FRMPD2: variants seen among roughly 807,000 people sequenced by gnomAD.
FRMPD2 encodes the protein FERM and PDZ domain containing 2.
FRMPD2 carries 96 observed loss-of-function variants against 140.1 expected under a neutral mutation model. That is an observed-to-expected ratio of 0.69 (90% CI 0.58 to 0.81). The LOEUF (loss-of-function observed/expected upper bound fraction) is 0.81, where lower values mean the gene tolerates loss of function less well. Ranked by LOEUF, FRMPD2 falls within the 40% of genes least tolerant of loss-of-function variation. The probability of loss-of-function intolerance (pLI) is 0.00; values close to 1 mark genes in which losing one functional copy is unlikely to be tolerated. For synonymous variants in FRMPD2, 449 were observed against 547.6 expected (o/e 0.82, Z 2.52); for missense variants, 1,240 against 1,447.4 (o/e 0.86, Z 2.32).
chr10:48,262,559 C>T (rs1840611424), intron 1 of FRMPD2, among the ~76,000 whole-genome samples: 1 of 152,020 alleles, frequency 6.6e-6, no homozygotes, highest in Non-Finnish European at 1.5e-5. Flanking sequence ...ACTTCAGCAC[C>T]CCTCTATCAG....
intron 15 of FRMPD2, among the ~76,000 whole-genome samples, chr10:48,193,189 T>C (rs1838877464): frequency 6.6e-6 from 1 of 152,126 alleles, no homozygotes; most frequent in Non-Finnish European, 1.5e-5. Context: ...CCTAGAGTAT[T>C]TGCGGGTGTG....
At chr10:48,202,329 A>G (rs1839105995) in intron 14 of FRMPD2, among the ~76,000 whole-genome samples, 1 of 152,152 alleles carries the variant, frequency 6.6e-6, no homozygotes, top group African/African-American at 2.4e-5. Context: ...GATCCTCTTT[A>G]AGGCTTATCT....
intron 14 of FRMPD2, 84 bp from the exon 15 acceptor site, chr10:48,201,468 C>G: frequency 7.7e-7 from 1 of 1,294,428 alleles, no homozygotes; most frequent in African/African-American, 1.5e-5. Flanking sequence ...TGCTCGGTCC[C>G]TTGGTTCCAC....
Position 48,257,942 on chromosome 10 carries a change from T to C in FRMPD2, c.26-6251A>G, listed in dbSNP as rs934972958. Among the ~76,000 whole-genome samples the C allele has an allele frequency of 3.9e-5, 6 of 152,364 alleles. No individual in the cohort carries two copies. The East Asian group carries it at 9.6e-4, about 24-fold the overall frequency. ...TGGGATTTTTAAGATATGGTGTTAA[T>C]TGTTTCCATCTGTCTGCCAGGGTTG... On this transcript the variant is annotated intron_variant, in intron 1 of 28. Transcript: ENST00000374201.
intron 12 of FRMPD2, among the ~76,000 whole-genome samples, chr10:48,218,932 C>A (rs986483848): frequency 1.3e-5 from 2 of 152,192 alleles, no homozygotes; most frequent in Non-Finnish European, 2.9e-5. Context: ...TTCAAGCCAG[C>A]CTGAGCTTGA....
At position 48,206,872 on chromosome 10, in the gene FRMPD2, C is replaced by T. The variant is rs373782406; in HGVS notation, c.1673G>A (p.Arg558Lys). The T allele has an allele frequency of 9.9e-6, 16 of 1,613,974 alleles. No individual in the cohort carries two copies. In the African/African-American group the frequency reaches 1.9e-4, roughly 19 times the overall value. ...LVHQVFSEKR[R>K]PEEEMALGIC... ...CCCCAGGGCCATCTCCTCTTCTGGC[C>T]TCCTCTTCTCTGAGAATACTTGGTG... is the stretch of plus-strand genomic sequence containing the variant. The change falls in exon 14 of 29, where the codon AGG becomes AAG. Residue 558 changes from arginine to lysine, a missense_variant. Coordinates refer to ENST00000374201, the MANE Select transcript of FRMPD2 (RefSeq NM_001018071.4).
chr10:48,223,002 A>T, intron 11 of FRMPD2, 121 bp downstream of exon 11: 1 of 896,954 alleles, frequency 1.1e-6, no homozygotes, highest in Non-Finnish European at 1.7e-6. Flanking sequence ...CAACCACAAT[A>T]GCTATTGTTA....
At position 48,240,598 on chromosome 10, in the gene FRMPD2, C is replaced by T. The variant is rs1349610155; in HGVS notation, c.568-106G>A. On this transcript the variant is annotated intron_variant, in intron 5 of 28. Transcript: ENST00000374201. Reference sequence around the variant, plus strand: ...GACTGAATCAATGTGGAATTGTCTGCCCTATACGGTGACCTAAAGATGTGT... The same window carrying T: ...GACTGAATCAATGTGGAATTGTCTGTCCTATACGGTGACCTAAAGATGTGT... 8.2e-6 allele frequency: 12 copies of T among 1,465,926 alleles called. No homozygotes were observed. In the East Asian group the frequency reaches 2.1e-4, roughly 25 times the overall value. The allele number at this position is 1,465,926 out of a possible 1,614,324, so 90.8% of individuals were successfully genotyped here.
chr10:48,222,379 A>G lies in FRMPD2; in HGVS notation c.1389T>C (p.Asn463=). The G allele has an allele frequency of 1.9e-6, 3 of 1,614,184 alleles. No homozygotes were observed. Among genetic ancestry groups the G allele is most frequent in the Non-Finnish European group, 2.5e-6 (3 of 1,180,008 alleles). Residue 463 remains asparagine (N), a synonymous_variant, in exon 12 of 29, where the codon AAT becomes AAC. Transcript: ENST00000374201. ...KDILEERLYC[N]EEILLQLGVL... ...CCCCCAGCTGCAGCAGTATCTCTTC[A>G]TTGCAGTACAGCCTCTCCTCCAGGA... is the stretch of plus-strand genomic sequence containing the variant.
chr10:48,265,237 G>A (rs1399292705), intron 1 of FRMPD2, among the ~76,000 whole-genome samples: 1 of 152,150 alleles, frequency 6.6e-6, no homozygotes, highest in African/African-American at 2.4e-5. Context: ...AAACTTAAAT[G>A]TAAGACCCAG....
intron 10 of FRMPD2, among the ~76,000 whole-genome samples, chr10:48,230,899 T>C (rs768890800): frequency 1.6e-4 from 24 of 152,202 alleles, no homozygotes; most frequent in Non-Finnish European, 2.8e-4. Flanking sequence ...CATAGAGAGT[T>C]CACCAAAATG....
intron 15 of FRMPD2, among the ~76,000 whole-genome samples, chr10:48,197,275 G>T (rs560883710): frequency 2.7e-4 from 41 of 152,166 alleles, no homozygotes; most frequent in African/African-American, 9.9e-4. Context: ...CCGTGAGCAG[G>T]AGCCACCATT....
intron 10 of FRMPD2, among the ~76,000 whole-genome samples, chr10:48,230,725 A>G (rs569591339): frequency 6.6e-6 from 1 of 152,294 alleles, no homozygotes; most frequent in African/African-American, 2.4e-5. Flanking sequence ...TGTGTTTCTA[A>G]TCTACCTGTA....
intron 1 of FRMPD2, among the ~76,000 whole-genome samples, chr10:48,267,051 C>A (rs1840689911): frequency 6.6e-6 from 1 of 152,166 alleles, no homozygotes; most frequent in South Asian, 2.1e-4. Flanking sequence ...AGTAATGAAG[C>A]AGAGCCCTTC....
At chr10:48,162,283 C>CAGCA (rs2132387759) in intron 28 of FRMPD2, among the ~76,000 whole-genome samples, 1 of 127,358 alleles carries the variant, frequency 7.9e-6, no homozygotes, top group Non-Finnish European at 1.6e-5. Flanking sequence ...TTGGCTGACA[C>CAGCA]AGCATTCTTC....
At chr10:48,230,591 TTG>T (rs1188375813) in intron 10 of FRMPD2, among the ~76,000 whole-genome samples, 1 of 152,208 alleles carries the variant, frequency 6.6e-6, no homozygotes, top group East Asian at 1.9e-4. Context: ...GTAAACAAAT[TTG>T]TCTTATTGTG....
At chr10:48,182,299 C>T (rs1838571470) in intron 20 of FRMPD2, among the ~76,000 whole-genome samples, 1 of 152,210 alleles carries the variant, frequency 6.6e-6, no homozygotes, top group Non-Finnish European at 1.5e-5. Context: ...TCCACATCCT[C>T]CATGAGAGGT....
intron 4 of FRMPD2, among the ~76,000 whole-genome samples, chr10:48,244,002 G>C (rs1414818069): frequency 6.6e-6 from 1 of 152,118 alleles, no homozygotes; most frequent in Admixed American, 6.5e-5. Context: ...TTTGAGACAG[G>C]GTTTTGCTCT....
intron 1 of FRMPD2, among the ~76,000 whole-genome samples, chr10:48,260,669 A>G (rs1225746998): frequency 6.6e-6 from 1 of 152,190 alleles, no homozygotes; most frequent in Non-Finnish European, 1.5e-5. Context: ...AGATAATCAT[A>G]AATGCTCTCA....
Sources: gnomAD v4.1 joint callset for allele counts (sites outside exome capture counted in the v4.1 genomes callset) on GRCh38, gnomAD v4.1.1 for gene constraint, MANE v1.5 for transcripts, NCBI Gene and HGNC (gene_info 2026-07-23, HGNC 2026-07-21) for gene names.